The following ZMAT4 variants were observed in gnomAD, a reference collection of about 807,000 sequenced individuals.
ZMAT4 encodes the protein zinc finger matrin-type 4.
In ZMAT4, 17 loss-of-function variants were observed where a neutral mutation model predicts 28.7. That is an observed-to-expected ratio of 0.59 (90% CI 0.41 to 0.89). The LOEUF is 0.89. ZMAT4 is among the 40% of genes least tolerant of loss of function. The probability of loss-of-function intolerance (pLI) is 0.00; values close to 1 mark genes in which losing one functional copy is unlikely to be tolerated. For synonymous variants in ZMAT4, 117 were observed against 109.2 expected, an observed-to-expected ratio of 1.07 and a Z score of -0.44; for missense variants, 240 against 283.8, an observed-to-expected ratio of 0.85 and a Z score of 1.11.
intron 5 of ZMAT4, among the ~76,000 whole-genome samples, chr8:40,623,968 T>G (rs1806287196): frequency 1.3e-5 from 2 of 152,326 alleles, no homozygotes; most frequent in East Asian, 1.9e-4. Context: ...TTCACTGGTC[T>G]ATACCTGTGG....
At chr8:40,754,358 A>G (rs537742980) in intron 3 of ZMAT4, among the ~76,000 whole-genome samples, 30 of 152,278 alleles carry the variant, frequency 2.0e-4, no homozygotes, top group African/African-American at 7.2e-4. Flanking sequence ...TGTCTTTCCA[A>G]TGAATCCTTC....
At chr8:40,859,020 CTCTGCCA>C (rs1392256434) in intron 1 of ZMAT4, among the ~76,000 whole-genome samples, 1 of 152,206 alleles carries the variant, frequency 6.6e-6, no homozygotes, top group East Asian at 1.9e-4. Flanking sequence ...CAAGGAAAGC[CTCTGCCA>C]TCACCCTTGA....
intron 3 of ZMAT4, among the ~76,000 whole-genome samples, chr8:40,710,251 T>C (rs1399288894): frequency 1.3e-5 from 2 of 152,178 alleles, no homozygotes; most frequent in Admixed American, 6.5e-5. Context: ...TCTCAGTTAA[T>C]TATACTGGTG....
chr8:40,784,973 C>G (rs1390746823), intron 2 of ZMAT4, among the ~76,000 whole-genome samples: 1 of 152,194 alleles, frequency 6.6e-6, no homozygotes, highest in African/African-American at 2.4e-5. Context: ...CTGTATAGAG[C>G]CAGGATTTGA....
At chr8:40,839,913 G>A (rs1816642914) in intron 1 of ZMAT4, among the ~76,000 whole-genome samples, 1 of 152,206 alleles carries the variant, frequency 6.6e-6, no homozygotes, top group African/African-American at 2.4e-5. Flanking sequence ...AACTGTGCAT[G>A]TACCCCATAC....
intron 6 of ZMAT4, among the ~76,000 whole-genome samples, chr8:40,536,604 A>C (rs1802855245): frequency 6.6e-6 from 1 of 152,006 alleles, no homozygotes; most frequent in Non-Finnish European, 1.5e-5. Context: ...TGGCTCTCAC[A>C]TGTTGCCATG....
At chr8:40,796,639 C>A (rs559656771) in intron 2 of ZMAT4, among the ~76,000 whole-genome samples, 1 of 152,324 alleles carries the variant, frequency 6.6e-6, no homozygotes, top group African/African-American at 2.4e-5. Flanking sequence ...AGAATGATAT[C>A]TCTTTCCCTC....
chr8:40,704,307 T>C (rs767130305), intron 3 of ZMAT4, among the ~76,000 whole-genome samples: 9 of 152,184 alleles, frequency 5.9e-5, no homozygotes, highest in Non-Finnish European at 8.8e-5. Flanking sequence ...GACTACAGGG[T>C]CCTGGGTAAC....
intron 1 of ZMAT4, among the ~76,000 whole-genome samples, chr8:40,826,582 A>G (rs1816053886): frequency 6.6e-6 from 1 of 152,194 alleles, no homozygotes; most frequent in Admixed American, 6.5e-5. Flanking sequence ...AGTTGCACTT[A>G]GAAAATTAAA....
intron 5 of ZMAT4, among the ~76,000 whole-genome samples, chr8:40,673,435 C>G (rs893307270): frequency 6.6e-6 from 1 of 152,144 alleles, no homozygotes; most frequent in Non-Finnish European, 1.5e-5. Flanking sequence ...ATGCAGAACC[C>G]TGTTTAAACT....
chr8:40,877,784 C>T lies in ZMAT4; in HGVS notation c.-5+19899G>A, dbSNP rs192560880. ...TTCTCCCAAGACTTTCAGTGGGTGG[C>T]AGAGAAAAAAATCAGCATCACACCA... On this transcript the variant is annotated intron_variant, in intron 1 of 6. Transcript: ENST00000297737. Among the ~76,000 whole-genome samples the T allele has an allele frequency of 7.2e-5, 11 of 152,030 alleles. No homozygotes were observed. In the East Asian group the frequency reaches 1.5e-3, roughly 21 times the overall value.
At chr8:40,645,286 T>G (rs897077223) in intron 5 of ZMAT4, among the ~76,000 whole-genome samples, 1 of 152,024 alleles carries the variant, frequency 6.6e-6, no homozygotes, top group African/African-American at 2.4e-5. Context: ...AAATAAGACA[T>G]GGATAGGAAT....
intron 6 of ZMAT4, among the ~76,000 whole-genome samples, chr8:40,542,376 T>TTTTATTTA (rs537222877): frequency 2.6e-5 from 4 of 151,902 alleles, no homozygotes; most frequent in African/African-American, 7.3e-5. Context: ...TTTAATTTTG[T>TTTTATTTA]TTTATTTATT....
chr8:40,801,352 A>AAAAAAAAATATATATATATATATATG (rs774919666), intron 2 of ZMAT4, among the ~76,000 whole-genome samples: 3 of 72,144 alleles, frequency 4.2e-5, no homozygotes, highest in African/African-American at 1.4e-4. Context: ...AAAAAAAAAA[A>AAAAAAAAATATATATATATATATATG]TATATATATA....
At chr8:40,813,625 T>C (rs572626933) in intron 2 of ZMAT4, among the ~76,000 whole-genome samples, 1 of 152,388 alleles carries the variant, frequency 6.6e-6, no homozygotes, top group South Asian at 2.1e-4. Context: ...CATAAGGTTA[T>C]ACACGGGAGC....
chr8:40,697,489 G>A, intron 3 of ZMAT4, 88 bp from the exon 4 acceptor site: 1 of 1,264,762 alleles, frequency 7.9e-7, no homozygotes, highest in Non-Finnish European at 1.0e-6. Context: ...CTAGTGTATT[G>A]AAATATCTAG....
intron 1 of ZMAT4, among the ~76,000 whole-genome samples, chr8:40,854,289 T>A (rs1817218282): frequency 6.6e-6 from 1 of 152,222 alleles, no homozygotes; most frequent in Non-Finnish European, 1.5e-5. Flanking sequence ...TCCAGTGAGA[T>A]ACTCCAAAAT....
At chr8:40,750,185 T>A (rs1812398310) in intron 3 of ZMAT4, among the ~76,000 whole-genome samples, 1 of 152,172 alleles carries the variant, frequency 6.6e-6, no homozygotes, top group Admixed American at 6.6e-5. Context: ...AACCCTTGGC[T>A]GATTCTAAGG....
intron 3 of ZMAT4, among the ~76,000 whole-genome samples, chr8:40,726,479 T>C (rs930189117): frequency 6.6e-6 from 1 of 152,236 alleles, no homozygotes; most frequent in African/African-American, 2.4e-5. Flanking sequence ...AAAATGGTTA[T>C]TCTACCAGAG....
Sources: allele counts gnomAD v4.1 joint callset (sites outside exome capture counted in the v4.1 genomes callset), GRCh38; gene constraint gnomAD v4.1.1; transcripts MANE v1.5; gene names NCBI Gene and HGNC (gene_info 2026-07-23, HGNC 2026-07-21).